Variants in PCDHA8 observed in about 807,000 individuals in gnomAD.
PCDHA8 encodes the protein protocadherin alpha 8, also known as protocadherin alpha-8.
PCDHA8 carries 53 observed loss-of-function variants against 61.8 expected under a neutral mutation model. The observed-to-expected ratio is 0.86, with a 90% CI of 0.69 to 1.08. The LOEUF (loss-of-function observed/expected upper bound fraction) is 1.08, where lower values mean the gene tolerates loss of function less well. Ranked by LOEUF, PCDHA8 falls within the 50% of genes least tolerant of loss-of-function variation. The pLI is 0.00. For synonymous variants in PCDHA8, 618 were observed against 556.6 expected (o/e 1.11, Z -1.55); for missense variants, 1,293 against 1,245.0 (o/e 1.04, Z -0.58).
At position 140,850,415 on chromosome 5, in the gene PCDHA8, G is replaced by A. The variant is rs2150483298; in HGVS notation, c.2394+6700G>A. On this transcript the variant is annotated intron_variant, in intron 1 of 3. Transcript: ENST00000531613. The stretch of plus-strand genomic sequence containing the variant: ...GCACAACGCGTGCCCTGGACGAAAC[G>A]GACGCACCGCGCCAGCGCCTACTGG... 3.1e-6 allele frequency: 5 copies of A among 1,597,962 alleles called. 1 individual carries two copies. The highest frequency in any genetic ancestry group is 4.3e-6 in the Non-Finnish European group (5 of 1,167,734).
At chr5:140,909,983 C>T (rs2074810620) in intron 1 of PCDHA8, among the ~76,000 whole-genome samples, 1 of 152,214 alleles carries the variant, frequency 6.6e-6, no homozygotes, top group Non-Finnish European at 1.5e-5. Context: ...GGGAGAAAGA[C>T]TAACAGCATA....
chr5:140,960,919 A>G (rs542740686), intron 1 of PCDHA8, among the ~76,000 whole-genome samples: 1 of 152,334 alleles, frequency 6.6e-6, no homozygotes, highest in Non-Finnish European at 1.5e-5. Flanking sequence ...CAGATAGAAA[A>G]TTGGTACTAA....
At chr5:140,884,301 C>G (rs375535055) in intron 1 of PCDHA8, 2 of 1,613,726 alleles carry the variant, frequency 1.2e-6, no homozygotes, top group South Asian at 1.1e-5. Context: ...GCGCCACAGG[C>G]TTCGTCGAGG....
intron 1 of PCDHA8, chr5:140,852,261 A>G: frequency 2.0e-6 from 1 of 506,240 alleles, no homozygotes; most frequent in Non-Finnish European, 2.6e-6. Flanking sequence ...GGAATATGCT[A>G]CAATATTACA....
At chr5:140,883,308 C>T (rs782669562) in intron 1 of PCDHA8, 2 of 1,614,102 alleles carry the variant, frequency 1.2e-6, no homozygotes, top group South Asian at 1.1e-5. Flanking sequence ...AATGATAACG[C>T]CCCAGAGGTT....
At chr5:140,952,797 C>T (rs782258698) in intron 1 of PCDHA8, among the ~76,000 whole-genome samples, 1 of 152,142 alleles carries the variant, frequency 6.6e-6, no homozygotes. Flanking sequence ...TTAACTGGCT[C>T]GCAGTTCTGC....
chr5:140,842,034 A>G lies in PCDHA8; in HGVS notation c.713A>G (p.Asn238Ser). 6.2e-7 allele frequency: 1 copy of G among 1,613,854 alleles called. No individual in the cohort carries two copies. Among genetic ancestry groups the G allele is most frequent in the Non-Finnish European group, 8.5e-7 (1 of 1,179,842 alleles). ...GTCACAGTGCTGGATGTGAATGATAATGCTCCCACTTTCGAACAGTCTGAA... is the reference window on the plus strand; with the variant it reads ...GTCACAGTGCTGGATGTGAATGATAGTGCTCCCACTTTCGAACAGTCTGAA... Reference protein sequence around the residue: ...LLVTVLDVNDNAPTFEQSEYE... With the variant: ...LLVTVLDVNDSAPTFEQSEYE... Residue 238 changes from asparagine (N) to serine (S), a missense_variant, in exon 1 of 4, where the codon AAT becomes AGT. By Grantham distance (46) the Asn-to-Ser change is conservative. Coordinates refer to ENST00000531613, the MANE Select transcript of PCDHA8 (RefSeq NM_018911.3).
chr5:140,860,276 G>T (rs1399451611), intron 1 of PCDHA8: 2 of 151,942 alleles, frequency 1.3e-5, no homozygotes, highest in South Asian at 2.1e-4. Flanking sequence ...TGCTACTTGG[G>T]AGGGTGAGGT....
chr5:140,933,494 T>C (rs901456699), intron 1 of PCDHA8, among the ~76,000 whole-genome samples: 3 of 152,110 alleles, frequency 2.0e-5, no homozygotes, highest in Non-Finnish European at 4.4e-5. Context: ...TTCTTTAGAA[T>C]TGTTAAGCAA....
At chr5:140,870,430 G>C (rs782773036) in intron 1 of PCDHA8, 6 of 1,614,226 alleles carry the variant, frequency 3.7e-6, no homozygotes, top group Non-Finnish European at 5.1e-6. Context: ...GGTATCCGTG[G>C]AGGTGGCCGA....
chr5:140,854,040 T>A, intron 1 of PCDHA8: 1 of 281,106 alleles, frequency 3.6e-6, no homozygotes, highest in Non-Finnish European at 5.5e-6. Flanking sequence ...CACACATCTC[T>A]AGTCCCAATT....
chr5:140,887,101 CTTT>C (rs200717289), intron 1 of PCDHA8, among the ~76,000 whole-genome samples: 1 of 145,292 alleles, frequency 6.9e-6, no homozygotes, highest in African/African-American at 2.5e-5. Flanking sequence ...ATCTTTATCT[CTTT>C]TTTTTTTTTT....
intron 1 of PCDHA8, among the ~76,000 whole-genome samples, chr5:140,888,362 T>G (rs1282144902): frequency 6.6e-6 from 1 of 152,208 alleles, no homozygotes; most frequent in African/African-American, 2.4e-5. Flanking sequence ...TACTGGCATC[T>G]AATAATGGAG....
chr5:140,907,139 T>C (rs2073191409), intron 1 of PCDHA8, among the ~76,000 whole-genome samples: 1 of 152,148 alleles, frequency 6.6e-6, no homozygotes, highest in African/African-American at 2.4e-5. Context: ...GAATTCCGGC[T>C]ATGGGAGAAA....
chr5:140,967,251 CG>C, intron 1 of PCDHA8: 1 of 1,613,410 alleles, frequency 6.2e-7, no homozygotes, highest in Non-Finnish European at 8.5e-7. Flanking sequence ...GAATCGGTGG[CG>C]CCTGGAGCGC....
chr5:140,966,960 T>C, intron 1 of PCDHA8: 1 of 1,603,106 alleles, frequency 6.2e-7, no homozygotes, highest in Non-Finnish European at 8.5e-7. Context: ...GCTCGCGCGC[T>C]GGGGCTTGAG....
chr5:140,876,815 T>G (rs782365798), intron 1 of PCDHA8: 1 of 1,614,148 alleles, frequency 6.2e-7, no homozygotes, highest in South Asian at 1.1e-5. Flanking sequence ...GTGGCCGACG[T>G]GAACGACAAT....
rs116377419 is a variant in PCDHA8, at chr5:140,884,621, G to A, written c.2394+40906G>A. On this transcript the variant is annotated intron_variant, in intron 1 of 3. Coordinates refer to ENST00000531613, the MANE Select transcript of PCDHA8 (RefSeq NM_018911.3). ...TCCTCCTTGTCTGGGTTCTGCAGAG[G>A]GAACAGGCCAGAGGGAGGAGGACTC... 8.0e-4 allele frequency: 1,287 copies of A among 1,613,996 alleles called. 6 individuals carry two copies. The African/African-American group carries it at 0.016, about 20-fold the overall frequency.
At chr5:140,890,822 A>G (rs1044008204) in intron 1 of PCDHA8, among the ~76,000 whole-genome samples, 1 of 152,186 alleles carries the variant, frequency 6.6e-6, no homozygotes, top group Non-Finnish European at 1.5e-5. Context: ...TTTTAAATGT[A>G]CTTACATATT....
Sources: gnomAD v4.1 joint callset for allele counts (sites outside exome capture counted in the v4.1 genomes callset) on GRCh38, gnomAD v4.1.1 for gene constraint, MANE v1.5 for transcripts, NCBI Gene and HGNC (gene_info 2026-07-23, HGNC 2026-07-21) for gene names.